Variants in LIPA observed in about 807,000 individuals in gnomAD.
LIPA encodes lysosomal acid lipase/cholesteryl ester hydrolase.
In LIPA, 26 loss-of-function variants were observed where a neutral mutation model predicts 40.6. The ratio of observed to expected loss-of-function variants is 0.64; its 90% CI spans 0.47 to 0.89. LIPA has a LOEUF of 0.89. Ranked by LOEUF, LIPA falls within the 40% of genes least tolerant of loss-of-function variation. LIPA has a pLI of 0.00. For synonymous variants in LIPA, 188 were observed against 168.4 expected (o/e 1.12, Z -0.90); for missense variants, 455 against 479.6 (o/e 0.95, Z 0.48).
intron 1 of LIPA, chr10:89,293,613 C>T (rs1293023594): frequency 6.6e-6 from 1 of 152,018 alleles, no homozygotes; most frequent in African/African-American, 2.4e-5. Context: ...CTGGTGAGAC[C>T]TCTCTTCCTG....
At chr10:89,400,362 T>C (rs1303837896) in intron 2 of LIPA, among the ~76,000 whole-genome samples, 1 of 152,210 alleles carries the variant, frequency 6.6e-6, no homozygotes. Flanking sequence ...TAGATCACTT[T>C]GGGTAGTATT....
At chr10:89,384,789 C>T (rs754626732) in intron 2 of LIPA, 2 of 1,396,774 alleles carry the variant, frequency 1.4e-6, no homozygotes, top group Admixed American at 2.2e-5. Context: ...AATAGAATGA[C>T]TATGAAATTA....
At chr10:89,320,136 T>C (rs559788980) in intron 1 of LIPA, among the ~76,000 whole-genome samples, 5 of 152,064 alleles carry the variant, frequency 3.3e-5, no homozygotes, top group Non-Finnish European at 4.4e-5. Flanking sequence ...AAACTGGAAG[T>C]ATTCCCTTTG....
At chr10:89,243,167 C>T (rs961405834) in intron 3 of LIPA, among the ~76,000 whole-genome samples, 3 of 152,194 alleles carry the variant, frequency 2.0e-5, no homozygotes, top group Non-Finnish European at 4.4e-5. Context: ...TGCCTTTAAA[C>T]ACCGGAAATA....
Position 89,228,251 on chromosome 10 carries a change from G to A in LIPA, c.377C>T (p.Ser126Phe), listed in dbSNP as rs1589558169. 6.2e-6 allele frequency: 10 copies of A among 1,614,128 alleles called. No individual in the cohort carries two copies. The highest frequency in any genetic ancestry group is 8.5e-6 in the Non-Finnish European group (10 of 1,180,010). Residue 126 changes from serine to phenylalanine, a missense_variant, in exon 4 of 10, where the codon TCT becomes TTT. Physicochemically the swap from Ser to Phe is radical, Grantham distance 155. Transcript: ENST00000336233. ...WMGNSRGNTW[S>F]RKHKTLSVSQ... is the part of the protein sequence containing the mutation. The stretch of plus-strand genomic sequence containing the variant: ...AACTGAGAGTGTCTTATGTTTCCGA[G>A]ACCAGGTATTTCCTCTGCTGTTGCC...
chr10:89,350,814 C>A (rs2133586308), intron 2 of LIPA, among the ~76,000 whole-genome samples: 2 of 152,152 alleles, frequency 1.3e-5, no homozygotes, highest in East Asian at 3.9e-4. Context: ...AGAGTCTTCA[C>A]AATGCCTGGG....
chr10:89,374,925 C>T (rs933553817), intron 2 of LIPA, among the ~76,000 whole-genome samples: 3 of 152,156 alleles, frequency 2.0e-5, no homozygotes, highest in African/African-American at 4.8e-5. Context: ...TGTAGATTGC[C>T]CTGGCCTGAA....
chr10:89,261,513 AAATT>A (rs1461977444), intron 1 of LIPA, among the ~76,000 whole-genome samples: 3 of 152,186 alleles, frequency 2.0e-5, no homozygotes, highest in East Asian at 1.9e-4. Flanking sequence ...TCAAAAAAAT[AAATT>A]AATTAATTAA....
At chr10:89,347,550 G>C (rs1240480018), upstream of LIPA, among the ~76,000 whole-genome samples, 1 of 152,126 alleles carries the variant, frequency 6.6e-6, no homozygotes, top group Non-Finnish European at 1.5e-5. Flanking sequence ...ACTCTGCATG[G>C]TCCATCCCCT....
upstream of LIPA, among the ~76,000 whole-genome samples, chr10:89,253,747 A>T (rs1043636215): frequency 6.6e-6 from 1 of 152,264 alleles, no homozygotes; most frequent in African/African-American, 2.4e-5. Flanking sequence ...TGGTAAAATC[A>T]AAAGCAAGTT....
intron 8 of LIPA, among the ~76,000 whole-genome samples, chr10:89,216,398 C>CAT (rs957310210): frequency 2.9e-5 from 4 of 137,002 alleles, no homozygotes; most frequent in South Asian, 2.2e-4. Context: ...TAGGTAGCTA[C>CAT]ATATATATAT....
intron 1 of LIPA, among the ~76,000 whole-genome samples, chr10:89,325,833 C>T (rs532652612): frequency 1.3e-5 from 2 of 152,100 alleles, no homozygotes; most frequent in Non-Finnish European, 2.9e-5. Context: ...AATAACAAAC[C>T]TGTACGTGTA....
intron 1 of LIPA, among the ~76,000 whole-genome samples, chr10:89,274,875 T>C (rs1429519210): frequency 6.6e-6 from 1 of 152,218 alleles, no homozygotes; most frequent in Non-Finnish European, 1.5e-5. Flanking sequence ...GCTGCATTAT[T>C]AGAAGAGGCT....
chr10:89,221,272 A>G (rs917019241), intron 8 of LIPA, among the ~76,000 whole-genome samples: 1 of 152,090 alleles, frequency 6.6e-6, no homozygotes. Flanking sequence ...GGAGAATCAC[A>G]TGAAGCTGGG....
chr10:89,276,923 G>A (rs1038791801), intron 1 of LIPA, among the ~76,000 whole-genome samples: 1 of 152,126 alleles, frequency 6.6e-6, no homozygotes, highest in South Asian at 2.1e-4. Context: ...GTCTGAGGTC[G>A]AACGAAGGCA....
At chr10:89,236,561 A>T (rs1842907099) in intron 3 of LIPA, among the ~76,000 whole-genome samples, 2 of 152,256 alleles carry the variant, frequency 1.3e-5, no homozygotes, top group Admixed American at 6.5e-5. Flanking sequence ...AAGTCCAGAC[A>T]AGAAAAAGTT....
intron 3 of LIPA, among the ~76,000 whole-genome samples, chr10:89,232,911 GGTGA>G (rs1021164279): frequency 2.6e-5 from 4 of 152,210 alleles, no homozygotes; most frequent in African/African-American, 9.7e-5. Flanking sequence ...TTTCCTGGGA[GGTGA>G]GTGTGAAGAA....
At chr10:89,410,299 CCTT>C (rs1371895404) in intron 2 of LIPA, among the ~76,000 whole-genome samples, 2 of 152,328 alleles carry the variant, frequency 1.3e-5, no homozygotes, top group Non-Finnish European at 1.5e-5. Flanking sequence ...AGGTGCTACT[CCTT>C]GAGGGACCAG....
intron 1 of LIPA, among the ~76,000 whole-genome samples, chr10:89,267,652 C>T (rs940404667): frequency 4.8e-5 from 7 of 144,916 alleles, no homozygotes; most frequent in South Asian, 2.2e-4. Flanking sequence ...GTGGGTGCAG[C>T]GCACCAGCAT....
Sources: allele counts gnomAD v4.1 joint callset (sites outside exome capture counted in the v4.1 genomes callset), GRCh38; gene constraint gnomAD v4.1.1; transcripts MANE v1.5; gene names NCBI Gene and HGNC (gene_info 2026-07-23, HGNC 2026-07-21).